Variants in GSDME observed in about 807,000 individuals in gnomAD.
GSDME encodes the protein gasdermin E.
GSDME carries 44 observed loss-of-function variants against 47.5 expected under a neutral mutation model. That is an observed-to-expected ratio of 0.93 (90% CI 0.73 to 1.19). GSDME has a LOEUF of 1.19. GSDME is among the 50% of genes most tolerant of loss of function. The pLI is 0.00. For synonymous variants in GSDME, 258 were observed against 252.8 expected (o/e 1.02, Z -0.20); for missense variants, 663 against 604.2 (o/e 1.10, Z -1.02).
chr7:24,720,736 A>C (rs187942231), intron 3 of GSDME, among the ~76,000 whole-genome samples: 86 of 152,278 alleles, frequency 5.6e-4, no homozygotes, highest in African/African-American at 2.0e-3. Flanking sequence ...ACCAACATGG[A>C]GAAACCCCGT....
chr7:24,703,054 C>T, intron 8 of GSDME: 2 of 476,494 alleles, frequency 4.2e-6, no homozygotes, highest in Non-Finnish European at 7.9e-6. Context: ...CTGCATTCCA[C>T]AGAGGATACT....
intron 5 of GSDME, among the ~76,000 whole-genome samples, chr7:24,713,865 G>T (rs1373491250): frequency 6.6e-6 from 1 of 152,190 alleles, no homozygotes; most frequent in African/African-American, 2.4e-5. Flanking sequence ...GCCAAGGTGG[G>T]AGGACTGCTT....
In GSDME at chr7:24,733,962, A is replaced by G. The variant is rs1439575008; in HGVS notation, c.404+10600T>C. Reference sequence around the variant, plus strand: ...AGGCAGTAGCCAGGTAGTGGTTACAACAGGCCTTAGGCAAGATCCAGAGCT... The same window carrying G: ...AGGCAGTAGCCAGGTAGTGGTTACAGCAGGCCTTAGGCAAGATCCAGAGCT... On this transcript the variant is annotated intron_variant, in intron 3 of 9. Transcript: ENST00000645220. The surrounding 1 kb of genome is among the most constrained non-coding windows in gnomAD (Gnocchi z 4.3). Among the ~76,000 whole-genome samples, 2 of 152,212 alleles carry G rather than the reference A, an allele frequency of 1.3e-5. No homozygotes were observed. Among genetic ancestry groups the G allele is most frequent in the East Asian group, 3.8e-4 (2 of 5,200 alleles).
Position 24,714,138 on chromosome 7 carries a change from G to C in GSDME, c.697+3116C>G, listed in dbSNP as rs1227537965. ...GTGCAAGGCAGAAGGTCAAGAGAAT[G>C]AAAGGGTGTTTCTGATTGGGCATAA... On this transcript the variant is annotated intron_variant, in intron 5 of 9. Transcript: ENST00000645220. The surrounding 1 kb of genome is among the most constrained non-coding windows in gnomAD (Gnocchi z 5.0). Among the ~76,000 whole-genome samples, 1 of 152,214 alleles carries C rather than the reference G, an allele frequency of 6.6e-6. No individual in the cohort carries two copies. The highest frequency in any genetic ancestry group is 2.4e-5 in the African/African-American group (1 of 41,454).
chr7:24,700,625 G>C (rs1471482137), intron 9 of GSDME, among the ~76,000 whole-genome samples: 1 of 152,142 alleles, frequency 6.6e-6, no homozygotes, highest in Non-Finnish European at 1.5e-5. Flanking sequence ...AAGTACTTGT[G>C]GGTTTATTAT....
At chr7:24,750,601 A>C (rs1790826596) in intron 1 of GSDME, among the ~76,000 whole-genome samples, 4 of 152,212 alleles carry the variant, frequency 2.6e-5, no homozygotes, top group Admixed American at 2.0e-4. Context: ...TGACAGTGCA[A>C]GATTTTGTCT....
the GSDME span, among the ~76,000 whole-genome samples, chr7:24,784,331 G>A: frequency 6.6e-6 from 1 of 152,148 alleles, no homozygotes; most frequent in South Asian, 2.1e-4. Flanking sequence ...GTGATCACAA[G>A]GTGAAGTCCC....
intron 1 of GSDME, among the ~76,000 whole-genome samples, chr7:24,750,580 T>C (rs1790825083): frequency 6.6e-6 from 1 of 152,278 alleles, no homozygotes; most frequent in African/African-American, 2.4e-5. Context: ...GTCACCATAC[T>C]CCAGTCTGGG....
intron 1 of GSDME, among the ~76,000 whole-genome samples, chr7:24,755,808 TAAACCTCAGTTACGGTGGA>T (rs1562719387): frequency 6.6e-6 from 1 of 152,210 alleles, no homozygotes; most frequent in Non-Finnish European, 1.5e-5. Context: ...TTGAAAAAGG[TAAACCTCAGTTACGGTGGA>T]AACAGAAATC....
intron 7 of GSDME, chr7:24,707,392 T>C: frequency 2.1e-6 from 1 of 471,144 alleles, no homozygotes; most frequent in South Asian, 1.5e-5. Flanking sequence ...CAACTAAGAG[T>C]TAAGGAACTT....
At chr7:24,729,781 G>T (rs2721798) in intron 3 of GSDME, among the ~76,000 whole-genome samples, 28,657 of 152,180 alleles carry the variant, frequency 0.19, 2,713 homozygotes, top group African/African-American at 0.22. Context: ...TGGCTCTGTT[G>T]CACAGAGGAG....
chr7:24,699,969 C>T (rs1487991019), intron 9 of GSDME, among the ~76,000 whole-genome samples: 1 of 152,176 alleles, frequency 6.6e-6, no homozygotes, highest in African/African-American at 2.4e-5. Flanking sequence ...AGAACCTTTT[C>T]CCTTGTTATT....
chr7:24,770,565 C>G, the GSDME span, among the ~76,000 whole-genome samples: 1 of 152,110 alleles, frequency 6.6e-6, no homozygotes, highest in South Asian at 2.1e-4. The surrounding 1 kb of genome is among the most constrained non-coding windows in gnomAD (Gnocchi z 4.6). Flanking sequence ...TATGCTAACT[C>G]TGGGAGTTGA....
At chr7:24,777,686 G>T in the GSDME span, among the ~76,000 whole-genome samples, 1 of 152,126 alleles carries the variant, frequency 6.6e-6, no homozygotes, top group South Asian at 2.1e-4. Context: ...GACAAAAGGA[G>T]ATTAAATCCT....
Position 24,742,657 on chromosome 7 carries a change from T to G in GSDME, c.404+1905A>C, listed in dbSNP as rs1036046588. ...TTATAGGACATTGCCAAACTGTGCT[T>G]CTTGAAATAGAAATAACGAGACTGC... On this transcript the variant is annotated intron_variant, in intron 3 of 9. Transcript: ENST00000645220. This position sits in a 1 kb window ranked among gnomAD's most constrained non-coding sequence, Gnocchi z 4.4. Among the ~76,000 whole-genome samples, 2 of 152,180 alleles carry G rather than the reference T, an allele frequency of 1.3e-5. No homozygotes were observed. Among genetic ancestry groups the G allele is most frequent in the Admixed American group, 6.5e-5 (1 of 15,278 alleles).
At chr7:24,789,534 A>T in the GSDME span, among the ~76,000 whole-genome samples, 2 of 152,212 alleles carry the variant, frequency 1.3e-5, no homozygotes, top group African/African-American at 4.8e-5. Context: ...ACAGAACAGG[A>T]CAGGGATTTT....
intron 3 of GSDME, among the ~76,000 whole-genome samples, chr7:24,738,247 T>TA (rs773079524): frequency 3.9e-5 from 6 of 152,082 alleles, no homozygotes; most frequent in Non-Finnish European, 7.4e-5. Flanking sequence ...ACCAAAAAAC[T>TA]ATTAAAGCCA....
At chr7:24,776,336 C>T in the GSDME span, among the ~76,000 whole-genome samples, 1,454 of 152,240 alleles carry the variant, frequency 9.6e-3, 17 homozygotes, top group African/African-American at 0.033. Flanking sequence ...CAGATTGTGT[C>T]TGTCACCAGG....
intron 3 of GSDME, among the ~76,000 whole-genome samples, chr7:24,741,823 C>T (rs565912328): frequency 1.3e-4 from 20 of 151,592 alleles, no homozygotes; most frequent in African/African-American, 4.2e-4. Flanking sequence ...TCCAGCATGA[C>T]GTAACAAGAA....
Sources: gnomAD v4.1 joint callset for allele counts (sites outside exome capture counted in the v4.1 genomes callset) on GRCh38, gnomAD v4.1.1 for gene constraint, Gnocchi (gnomAD v3.1) non-coding constraint, MANE v1.5 for transcripts, NCBI Gene and HGNC (gene_info 2026-07-23, HGNC 2026-07-21) for gene names.